Variants in SUGCT observed in about 807,000 individuals in gnomAD.
SUGCT encodes the protein succinyl-CoA:glutarate CoA-transferase.
SUGCT carries 41 observed loss-of-function variants against 55.0 expected under a neutral mutation model. That is an observed-to-expected ratio of 0.74 (90% CI 0.58 to 0.97). SUGCT has a LOEUF of 0.97. SUGCT is among the 50% of genes least tolerant of loss of function. The pLI is 0.00. For synonymous variants in SUGCT, 187 were observed against 200.4 expected (o/e 0.93, Z 0.56); for missense variants, 568 against 547.8 (o/e 1.04, Z -0.37).
intron 1 of SUGCT, among the ~76,000 whole-genome samples, chr7:40,171,674 C>T (rs373574268): frequency 6.6e-5 from 10 of 152,176 alleles, no homozygotes; most frequent in African/African-American, 2.4e-4. Context: ...TTCCTCTAAA[C>T]GTTACTTTTC....
intron 11 of SUGCT, among the ~76,000 whole-genome samples, chr7:40,483,482 T>A (rs1469556569): frequency 6.6e-6 from 1 of 152,148 alleles, no homozygotes; most frequent in Non-Finnish European, 1.5e-5. Flanking sequence ...AATAAGCTTA[T>A]GAGATAGGCA....
chr7:40,272,187 T>C (rs1263617730), intron 7 of SUGCT, among the ~76,000 whole-genome samples: 1,161 of 62,012 alleles, frequency 0.019, 76 homozygotes, highest in African/African-American at 0.063. Flanking sequence ...TATATATATA[T>C]ATATATACAG....
At chr7:40,188,238 A>T (rs1034241776) in intron 3 of SUGCT, among the ~76,000 whole-genome samples, 1 of 152,104 alleles carries the variant, frequency 6.6e-6, no homozygotes. Context: ...GTTTGAGACC[A>T]GCCTGGCCAA....
At chr7:40,898,547 C>T in the SUGCT span, among the ~76,000 whole-genome samples, 1 of 136,558 alleles carries the variant, frequency 7.3e-6, no homozygotes, top group Non-Finnish European at 1.6e-5. Flanking sequence ...CACAGTGAAA[C>T]CCCAGATCTA....
intron 13 of SUGCT, among the ~76,000 whole-genome samples, chr7:40,800,506 G>A (rs1270458891): frequency 6.6e-6 from 1 of 151,968 alleles, no homozygotes; most frequent in African/African-American, 2.4e-5. Context: ...TGGCCAGGCT[G>A]GTCTCAAACT....
intron 5 of SUGCT, 110 bp downstream of exon 5, chr7:40,189,704 G>A: frequency 2.5e-6 from 1 of 407,702 alleles, no homozygotes; most frequent in Non-Finnish European, 4.4e-6. Context: ...CTGTACGTTT[G>A]CAACAAATAC....
At chr7:40,971,308 C>T in the SUGCT span, among the ~76,000 whole-genome samples, 6 of 152,154 alleles carry the variant, frequency 3.9e-5, no homozygotes, top group African/African-American at 1.4e-4. Context: ...CCCATGATCC[C>T]ATCACCTCCC....
At position 40,529,610 on chromosome 7, in the gene SUGCT, C is replaced by T. The variant is rs568060170; in HGVS notation, c.1089+33224C>T. On this transcript the variant is annotated intron_variant, in intron 12 of 13. Coordinates refer to ENST00000335693, the MANE Select transcript of SUGCT (RefSeq NM_001193313.2). ...CCAGAGGAGAGAGGAACTAGATGTT[C>T]CTTTTCATTCAGGAACACCCTCTTG... Among the ~76,000 whole-genome samples, 5 of 152,288 alleles carry T rather than the reference C, an allele frequency of 3.3e-5. No homozygotes were observed. In the South Asian group the frequency reaches 1.0e-3, roughly 32 times the overall value.
intron 13 of SUGCT, among the ~76,000 whole-genome samples, chr7:40,832,868 G>GT (rs1389546009): frequency 6.6e-6 from 1 of 151,978 alleles, no homozygotes; most frequent in Non-Finnish European, 1.5e-5. Context: ...TAGAGACGGG[G>GT]TGTCACCATG....
intron 10 of SUGCT, 74 bp from the exon 11 acceptor site, chr7:40,459,027 C>A: frequency 2.2e-6 from 2 of 917,138 alleles, no homozygotes; most frequent in East Asian, 2.6e-5. Flanking sequence ...GAGATAGGAC[C>A]TGAACACTAG....
At chr7:40,562,578 T>G (rs1795900538) in intron 12 of SUGCT, among the ~76,000 whole-genome samples, 1 of 152,000 alleles carries the variant, frequency 6.6e-6, no homozygotes, top group East Asian at 1.9e-4. Context: ...GGGACAGAAA[T>G]TGATCAGTGT....
At chr7:40,405,619 G>A (rs1786317639) in intron 9 of SUGCT, among the ~76,000 whole-genome samples, 1 of 152,050 alleles carries the variant, frequency 6.6e-6, no homozygotes, top group African/African-American at 2.4e-5. Context: ...AGACCAGCCT[G>A]GCCAACATGG....
rs1787992448 is a variant in SUGCT, at chr7:40,751,165, CG to C, written c.1153+1669del. 1.3e-5 allele frequency among the ~76,000 whole-genome samples: 2 copies of C among 151,984 alleles called. 1 individual carries two copies. The highest frequency in any genetic ancestry group is 1.3e-4 in the Admixed American group (2 of 15,260). ...TATAACATGACACTGAGGGGCAAAA[CG>C]AATAGAGGATGAGCATTTCCAGCAG... On this transcript the variant is annotated intron_variant, in intron 13 of 13. Coordinates refer to ENST00000335693, the MANE Select transcript of SUGCT (RefSeq NM_001193313.2).
intron 10 of SUGCT, among the ~76,000 whole-genome samples, chr7:40,456,072 A>G (rs567299920): frequency 4.6e-5 from 7 of 152,046 alleles, no homozygotes; most frequent in Admixed American, 2.0e-4. Context: ...ATTGCCCAGG[A>G]TGGAGTGTAG....
At chr7:40,622,993 G>A (rs891743925) in intron 12 of SUGCT, among the ~76,000 whole-genome samples, 2 of 152,154 alleles carry the variant, frequency 1.3e-5, no homozygotes, top group Non-Finnish European at 2.9e-5. Context: ...AAACTTCAGG[G>A]CTATGAGTTC....
chr7:40,548,020 G>A (rs17525892), intron 12 of SUGCT, among the ~76,000 whole-genome samples: 17,749 of 151,736 alleles, frequency 0.12, 1,369 homozygotes, highest in South Asian at 0.22. Context: ...TAACTATTTT[G>A]TCTCCTTTTA....
chr7:41,038,682 G>A, the SUGCT span, among the ~76,000 whole-genome samples: 15 of 152,128 alleles, frequency 9.9e-5, no homozygotes, highest in African/African-American at 3.6e-4. Flanking sequence ...ATTCACAGAA[G>A]GAGAACACAT....
At chr7:40,632,781 T>C (rs1227175555) in intron 12 of SUGCT, among the ~76,000 whole-genome samples, 1 of 152,110 alleles carries the variant, frequency 6.6e-6, no homozygotes, top group Non-Finnish European at 1.5e-5. Context: ...AAGTCTTCCA[T>C]TTAGAATTTT....
the SUGCT span, among the ~76,000 whole-genome samples, chr7:41,022,112 C>G: frequency 6.6e-6 from 1 of 152,016 alleles, no homozygotes; most frequent in African/African-American, 2.4e-5. Context: ...CTCAATGAAT[C>G]CTAGGCAGAA....
Sources: gnomAD v4.1 joint callset for allele counts (sites outside exome capture counted in the v4.1 genomes callset) on GRCh38, gnomAD v4.1.1 for gene constraint, MANE v1.5 for transcripts, NCBI Gene and HGNC (gene_info 2026-07-23, HGNC 2026-07-21) for gene names.